The following BIRC6 variants were observed in gnomAD, a reference collection of about 807,000 sequenced individuals.
BIRC6 encodes the protein dual E2 ubiquitin-conjugating enzyme/E3 ubiquitin-protein ligase BIRC6.
In BIRC6, 98 loss-of-function variants were observed where a neutral mutation model predicts 503.3. The ratio of observed to expected loss-of-function variants is 0.19; its 90% confidence interval spans 0.17 to 0.23. BIRC6 has a LOEUF of 0.23. BIRC6 is among the 10% of genes least tolerant of loss of function. The pLI, the probability that BIRC6 is intolerant of heterozygous loss-of-function variation, is 1.00. For synonymous variants in BIRC6, 2,240 were observed against 2,078.7 expected (o/e 1.08, Z -2.11); for missense variants, 5,360 against 5,806.0 (o/e 0.92, Z 2.50).
intron 5 of BIRC6, among the ~76,000 whole-genome samples, chr2:32,394,667 A>G (rs1573902828): frequency 6.6e-6 from 1 of 152,152 alleles, no homozygotes. Flanking sequence ...CCATGTCTCT[A>G]CAAAAAAAAT....
chr2:32,570,279 C>CT (rs897960895), intron 65 of BIRC6, among the ~76,000 whole-genome samples: 6 of 151,750 alleles, frequency 4.0e-5, no homozygotes, highest in Admixed American at 2.0e-4. Context: ...GATGTATTAT[C>CT]TTTTTTTTGT....
In BIRC6 at chr2:32,468,014, C is replaced by T. The variant is rs1447691706; in HGVS notation, c.5683C>T (p.His1895Tyr). Residue 1895 changes from histidine to tyrosine, a missense_variant, in exon 28 of 74, where the codon CAT (histidine) becomes TAT (tyrosine). Transcript: ENST00000421745. ...TTGGGAAAGTGAACTGAAGTTAATGCATGATCCTCTAAAGGGAGAGGGAGA... is the reference window on the plus strand; with the variant it reads ...TTGGGAAAGTGAACTGAAGTTAATGTATGATCCTCTAAAGGGAGAGGGAGA... ...LPWESELKLM[H>Y]DPLKGEGESA... The T allele has an allele frequency of 1.2e-6, 2 of 1,613,796 alleles. No individual in the cohort carries two copies. The highest frequency in any genetic ancestry group is 1.3e-5 in the African/African-American group (1 of 75,020).
chr2:32,435,446 T>C (rs756244945), intron 13 of BIRC6, 50 bp from the exon 14 acceptor site: 156 of 1,470,510 alleles, frequency 1.1e-4, no homozygotes, highest in Non-Finnish European at 1.4e-4. Flanking sequence ...AATATTTTTA[T>C]CCTCTAGAAA....
rs980305349 is a variant in BIRC6 at position 32,488,651 on chromosome 2, G to A, written c.8032G>A (p.Glu2678Lys). The A allele has an allele frequency of 2.7e-6, 4 of 1,507,316 alleles. No homozygotes were observed. Among genetic ancestry groups the A allele is most frequent in the African/African-American group, 2.8e-5 (2 of 71,640 alleles). The allele number at this position is 1,507,316 out of a possible 1,614,324, so 93.4% of individuals were successfully genotyped here. ...SLNSSSTGNK[E>K]NGADIFLYNA... ...GAATTCTAGTTCAACTGGAAACAAA[G>A]AAAATGGAGCAGACATATTTTTATA... The change falls in exon 42 of 74, where the codon GAA becomes AAA. Residue 2678 changes from glutamate (E) to lysine (K), a missense_variant. Glu to Lys is a moderately conservative substitution (Grantham distance 56). Around this residue, in one of 16 missense-constraint regions of BIRC6, gnomAD observed 2,299 missense variants for 2,267.2 expected, o/e 1.01. Coordinates refer to ENST00000421745, the MANE Select transcript of BIRC6 (RefSeq NM_016252.4).
At chr2:32,552,184 C>CA (rs2058470525) in intron 65 of BIRC6, among the ~76,000 whole-genome samples, 1 of 152,152 alleles carries the variant, frequency 6.6e-6, no homozygotes, top group African/African-American at 2.4e-5. Context: ...CTGTCCCACA[C>CA]CCTTTTTGCC....
intron 1 of BIRC6, among the ~76,000 whole-genome samples, chr2:32,368,132 G>A (rs1186735614): frequency 1.3e-5 from 2 of 152,076 alleles, no homozygotes; most frequent in Non-Finnish European, 2.9e-5. Context: ...ACCTCGCTTG[G>A]GCCCCAGTAT....
At chr2:32,402,837 G>A (rs907286162) in intron 8 of BIRC6, among the ~76,000 whole-genome samples, 23 of 152,156 alleles carry the variant, frequency 1.5e-4, no homozygotes, top group African/African-American at 5.5e-4. Flanking sequence ...ACTTTGTCTT[G>A]AAGTTTTGTA....
chr2:32,478,274 G>A lies in BIRC6; in HGVS notation c.7069-361G>A, dbSNP rs2149129393. Among the ~76,000 whole-genome samples the A allele has an allele frequency of 1.3e-5, 2 of 152,156 alleles. 1 individual carries two copies. The highest frequency in any genetic ancestry group is 4.1e-4 in the South Asian group (2 of 4,822). ...ATTGCTTGAACCTGGGGGCGATGAG[G>A]TTGCAGTGAGCTGAAATCGCGCCAC... On this transcript the variant is annotated intron_variant, in intron 35 of 73. Coordinates refer to ENST00000421745, the MANE Select transcript of BIRC6 (RefSeq NM_016252.4).
Position 32,611,532 on chromosome 2 carries a change from A to G in BIRC6, c.14344A>G (p.Ser4782Gly). ...GATTGCGGATATCCAGCAGTACAGC[A>G]GTGATAAGCGGGTAGGCAGGACTAT... Reference protein sequence around the residue: ...EWIADIQQYSSDKRVGRTMSH... With the variant: ...EWIADIQQYSGDKRVGRTMSH... The change falls in exon 73 of 74, where the codon AGT becomes GGT. Residue 4782 changes from serine to glycine, a missense_variant. Around this residue, in one of 16 missense-constraint regions of BIRC6, gnomAD observed 140 missense variants for 130.2 expected, o/e 1.07. Coordinates refer to ENST00000421745, the MANE Select transcript of BIRC6 (RefSeq NM_016252.4). The G allele has an allele frequency of 6.2e-7, 1 of 1,606,002 alleles. No individual in the cohort carries two copies. The highest frequency in any genetic ancestry group is 1.3e-5 in the African/African-American group (1 of 74,812).
chr2:32,555,277 A>G (rs1189431613), intron 65 of BIRC6, among the ~76,000 whole-genome samples: 3 of 151,950 alleles, frequency 2.0e-5, no homozygotes, highest in Non-Finnish European at 4.4e-5. Context: ...GGAGGCCAAG[A>G]TGAGAGGATT....
At chr2:32,437,969 T>C (rs1298089527) in intron 15 of BIRC6, among the ~76,000 whole-genome samples, 1 of 152,204 alleles carries the variant, frequency 6.6e-6, no homozygotes, top group Admixed American at 6.5e-5. Context: ...AAATTTTTTA[T>C]TTTTTAGAGA....
At chr2:32,561,075 G>A (rs1447267638) in intron 65 of BIRC6, among the ~76,000 whole-genome samples, 1 of 151,630 alleles carries the variant, frequency 6.6e-6, no homozygotes, top group African/African-American at 2.4e-5. Context: ...GCACGTGCCT[G>A]TAGTCCCAGC....
At chr2:32,593,117 A>C (rs1412125495) in intron 66 of BIRC6, among the ~76,000 whole-genome samples, 2 of 152,222 alleles carry the variant, frequency 1.3e-5, no homozygotes, top group African/African-American at 4.8e-5. Flanking sequence ...TGATCTATTT[A>C]AAGAATTATA....
intron 23 of BIRC6, among the ~76,000 whole-genome samples, chr2:32,458,732 T>A (rs2047518397): frequency 6.8e-6 from 1 of 147,052 alleles, no homozygotes; most frequent in Non-Finnish European, 1.5e-5. Context: ...AGACACTCTG[T>A]ATCCCAGGCT....
At chr2:32,387,254 C>G (rs1430402595) in intron 3 of BIRC6, among the ~76,000 whole-genome samples, 1 of 150,372 alleles carries the variant, frequency 6.7e-6, no homozygotes, top group African/African-American at 2.5e-5. Context: ...ATAAAAAGCT[C>G]TGATCTGTGA....
chr2:32,505,598 C>T (rs1004542065), intron 50 of BIRC6, among the ~76,000 whole-genome samples: 2 of 152,140 alleles, frequency 1.3e-5, no homozygotes, highest in South Asian at 2.1e-4. Context: ...TGTGCCTGCC[C>T]TCCAACTTCT....
chr2:32,379,831 T>A (rs2037363864), intron 2 of BIRC6, among the ~76,000 whole-genome samples: 1 of 152,202 alleles, frequency 6.6e-6, no homozygotes, highest in Non-Finnish European at 1.5e-5. Context: ...AGTTTGTCTC[T>A]TCAGATTTTT....
In BIRC6 at chr2:32,515,461, C is replaced by G; in HGVS notation, c.11040C>G (p.Ala3680=). The stretch of plus-strand genomic sequence containing the variant: ...AATGTAATAAGATGCCTATCACAGC[C>G]GACCTAGTTGCTCCTATTCTTAGGT... ...PQQCNKMPIT[A]DLVAPILRFL... is the part of the protein sequence containing the mutation. Residue 3680 remains alanine, a synonymous_variant, in exon 55 of 74, where the codon GCC becomes GCG. Transcript: ENST00000421745. 1 of 1,613,452 alleles carries G rather than the reference C, an allele frequency of 6.2e-7. No homozygotes were observed. Among genetic ancestry groups the G allele is most frequent in the Non-Finnish European group, 8.5e-7 (1 of 1,179,860 alleles).
intron 66 of BIRC6, among the ~76,000 whole-genome samples, chr2:32,584,718 GTAGTTCT>G (rs1341667338): frequency 1.3e-5 from 2 of 152,086 alleles, no homozygotes; most frequent in African/African-American, 4.8e-5. Context: ...ATAATGTTAA[GTAGTTCT>G]TTATTTTATT....
Sources: allele counts gnomAD v4.1 joint callset (sites outside exome capture counted in the v4.1 genomes callset), GRCh38; gene constraint gnomAD v4.1.1; regional missense constraint gnomAD v4.1.1; transcripts MANE v1.5; gene names NCBI Gene and HGNC (gene_info 2026-07-23, HGNC 2026-07-21).